Variants in HUWE1 observed in about 807,000 individuals in gnomAD.
HUWE1 encodes E3 ubiquitin-protein ligase HUWE1.
A neutral mutation model predicts 299.4 loss-of-function variants in HUWE1; 18 were observed. The ratio of observed to expected loss-of-function variants is 0.06; its 90% CI spans 0.04 to 0.09. HUWE1 has a LOEUF of 0.09. Ranked by LOEUF, HUWE1 falls within the 10% of genes least tolerant of loss-of-function variation. The probability of loss-of-function intolerance (pLI) is 1.00; values close to 1 mark genes in which losing one functional copy is unlikely to be tolerated. For missense variants in HUWE1, 1,832 were observed against 3,462.3 expected (o/e 0.53, Z 11.82); for synonymous variants, 1,317 against 1,286.1 (o/e 1.02, Z -0.51).
rs781969389 is a variant in HUWE1, at chrX:53,668,982, T to G, written c.-25+11067A>C. Among the ~76,000 whole-genome samples the G allele has an allele frequency of 4.4e-5, 5 of 112,752 alleles. No homozygotes were observed. The South Asian group carries it at 1.8e-3, about 41-fold the overall frequency. ...ACAGTTCTGCAAAAGGTAAACAGTC[T>G]ACTAAATAATGTGCAGGCCATGCCA... On this transcript the variant is annotated intron_variant, in intron 3 of 83. Transcript: ENST00000262854.
intron 44 of HUWE1, among the ~76,000 whole-genome samples, chrX:53,576,218 G>T (rs923333826): frequency 8.9e-6 from 1 of 112,025 alleles, no homozygotes; most frequent in African/African-American, 3.3e-5. Context: ...GATTTCTTTT[G>T]CTTATTAAAG....
At chrX:53,607,010 T>C (rs1234275022) in intron 25 of HUWE1, among the ~76,000 whole-genome samples, 1 of 111,531 alleles carries the variant, frequency 9.0e-6, no homozygotes, top group Non-Finnish European at 1.9e-5. Flanking sequence ...GCTTCATTTT[T>C]GGCAAAATAT....
chrX:53,541,603 AAAAG>A (rs1201889205), intron 74 of HUWE1, among the ~76,000 whole-genome samples: 46 of 111,513 alleles, frequency 4.1e-4, no homozygotes, highest in African/African-American at 1.3e-3. Flanking sequence ...CAAAAAACAA[AAAAG>A]AAAGAAAGAA....
At chrX:53,630,597 G>A (rs1218780834) in intron 12 of HUWE1, among the ~76,000 whole-genome samples, 5 of 109,000 alleles carry the variant, frequency 4.6e-5, no homozygotes, top group African/African-American at 1.3e-4. Flanking sequence ...ATCCCTGAAA[G>A]GATGAGAGAG....
rs1556924748 is a variant in HUWE1, at chrX:53,548,037, G to A, written c.10272C>T (p.Tyr3424=). Residue 3424 remains tyrosine, a synonymous_variant, in exon 68 of 84, where the codon TAC becomes TAT. Coordinates refer to ENST00000262854, the MANE Select transcript of HUWE1 (RefSeq NM_031407.7). ...SAGGEGETSP[Y]SLEASPLGQL... is the part of the protein sequence containing the mutation. ...GCCCCAGTGGAGAGGCCTCGAGGCT[G>A]TATGGAGAGGTTTCCCCCTCACCGC... 1 of 1,210,984 alleles carries A rather than the reference G, an allele frequency of 8.3e-7. No individual in the cohort carries two copies. Among genetic ancestry groups the A allele is most frequent in the Non-Finnish European group, 1.1e-6 (1 of 895,072 alleles).
chrX:53,582,320 G>C (rs1556968699), intron 42 of HUWE1, among the ~76,000 whole-genome samples: 1 of 112,092 alleles, frequency 8.9e-6, no homozygotes, highest in Non-Finnish European at 1.9e-5. Context: ...TCCCTGCTGG[G>C]TTATCTCCTG....
chrX:53,546,977 G>A (rs1556923554), intron 68 of HUWE1, 152 bp from the exon 69 acceptor site: 3 of 692,327 alleles, frequency 4.3e-6, no homozygotes, highest in Non-Finnish European at 6.6e-6. Flanking sequence ...AAATCTAAAT[G>A]ACTTGGGATG....
chrX:53,559,255 T>TGG, intron 57 of HUWE1, 99 bp downstream of exon 57: 1 of 976,436 alleles, frequency 1.0e-6, no homozygotes, highest in East Asian at 3.1e-5. Context: ...TCCTATAAAA[T>TGG]GGGGGTTTTC....
chrX:53,560,466 A>G, intron 55 of HUWE1, 50 bp from the exon 56 acceptor site: 1 of 1,080,134 alleles, frequency 9.3e-7, no homozygotes, highest in African/African-American at 1.8e-5. Flanking sequence ...AATTTCTTCC[A>G]TGTTTGTTCA....
chrX:53,623,932 T>C (rs1288697134), intron 19 of HUWE1, among the ~76,000 whole-genome samples: 1 of 112,392 alleles, frequency 8.9e-6, no homozygotes, highest in Non-Finnish European at 1.9e-5. Flanking sequence ...TCCTACTAAA[T>C]TCCTTTAGCG....
chrX:53,542,845 T>TTGTGTG (rs57187405), intron 73 of HUWE1: 4,471 of 163,664 alleles, frequency 0.027, 119 homozygotes, highest in East Asian at 0.047. Flanking sequence ...TCTTCTTCTG[T>TTGTGTG]TGTGTGTGTG....
intron 50 of HUWE1, 63 bp from the exon 51 acceptor site, chrX:53,564,785 C>T: frequency 1.7e-6 from 2 of 1,186,167 alleles, no homozygotes; most frequent in Non-Finnish European, 2.3e-6. Flanking sequence ...CACCATGAGG[C>T]AAGCGCAAAG....
intron 31 of HUWE1, 122 bp downstream of exon 31, chrX:53,594,377 A>G: frequency 1.3e-6 from 1 of 771,306 alleles, no homozygotes; most frequent in Non-Finnish European, 1.9e-6. Flanking sequence ...GATACAACCA[A>G]TAGCTATTTC....
At chrX:53,618,578 T>TG (rs2065933952) in intron 19 of HUWE1, among the ~76,000 whole-genome samples, 1 of 107,615 alleles carries the variant, frequency 9.3e-6, no homozygotes, top group African/African-American at 3.4e-5. Flanking sequence ...TTTTTTTTTT[T>TG]TTTTTAGACG....
rs781894147 is a variant in HUWE1, at chrX:53,552,394, A to G, written c.8798T>C (p.Val2933Ala). The change falls in exon 63 of 84, where the codon GTG becomes GCG. Residue 2933 changes from valine to alanine, a missense_variant. Coordinates refer to ENST00000262854, the MANE Select transcript of HUWE1 (RefSeq NM_031407.7). ...TCGGGAATCTGCTCCAGAAATGGCC[A>G]CGGCAGAATCTCTGGTGGAAGAGCT... is the stretch of plus-strand genomic sequence containing the variant. ...SESSSTRDSA[V>A]AISGADSRGI... 1 of 1,209,574 alleles carries G rather than the reference A, an allele frequency of 8.3e-7. No homozygotes were observed. Among genetic ancestry groups the G allele is most frequent in the African/African-American group, 1.7e-5 (1 of 57,241 alleles).
intron 19 of HUWE1, among the ~76,000 whole-genome samples, chrX:53,620,257 C>CTT (rs869154000): frequency 3.1e-5 from 3 of 95,831 alleles, no homozygotes; most frequent in African/African-American, 1.1e-4. Context: ...TTCCATTTGT[C>CTT]TTTTTTTTTT....
chrX:53,628,696 CAA>C, intron 14 of HUWE1, 54 bp downstream of exon 14: 2 of 1,207,819 alleles, frequency 1.7e-6, no homozygotes, highest in Non-Finnish European at 2.2e-6. Flanking sequence ...ATTAAAAAGA[CAA>C]AGGCAGAGGG....
intron 71 of HUWE1, 117 bp downstream of exon 71, chrX:53,544,912 G>A: frequency 2.1e-6 from 2 of 958,208 alleles, no homozygotes; most frequent in Admixed American, 4.7e-5. Context: ...GGTCAAGTGT[G>A]TATAGGAAAG....
intron 23 of HUWE1, among the ~76,000 whole-genome samples, chrX:53,610,740 T>A (rs2065408557): frequency 8.9e-6 from 1 of 111,844 alleles, no homozygotes; most frequent in African/African-American, 3.3e-5. Context: ...GGGCCACATT[T>A]CAGGGAACAA....
Sources: gnomAD v4.1 joint callset for allele counts (sites outside exome capture counted in the v4.1 genomes callset) on GRCh38, gnomAD v4.1.1 for gene constraint, MANE v1.5 for transcripts, NCBI Gene and HGNC (gene_info 2026-07-23, HGNC 2026-07-21) for gene names.